The following PAK1 variants were observed in gnomAD, a reference collection of about 807,000 sequenced individuals.
The protein encoded by PAK1 is p21 (RAC1) activated kinase 1.
Under a neutral mutation model 67.4 loss-of-function variants are expected in PAK1, and 29 were observed. The ratio of observed to expected loss-of-function variants is 0.43; its 90% CI spans 0.32 to 0.59. The LOEUF (loss-of-function observed/expected upper bound fraction) is 0.59, where lower values mean the gene tolerates loss of function less well. Among genes scored for constraint, PAK1 ranks in the 20% least tolerant of loss-of-function variants. The pLI, the probability that PAK1 is intolerant of heterozygous loss-of-function variation, is 0.07. For missense variants in PAK1, 337 were observed against 670.7 expected (o/e 0.50, Z 5.50); for synonymous variants, 223 against 237.4 (o/e 0.94, Z 0.56).
chr11:77,427,825 C>T (rs1955631796), intron 1 of PAK1, among the ~76,000 whole-genome samples: 1 of 152,196 alleles, frequency 6.6e-6, no homozygotes, highest in Non-Finnish European at 1.5e-5. Context: ...TAATTCCTTC[C>T]TCTTATTGTT....
intron 2 of PAK1, among the ~76,000 whole-genome samples, chr11:77,385,219 T>G (rs1028607329): frequency 6.6e-6 from 1 of 152,098 alleles, no homozygotes. Context: ...CCAGTGCAAT[T>G]AGGCAAGAAA....
At chr11:77,400,241 A>C (rs1044573348) in intron 1 of PAK1, among the ~76,000 whole-genome samples, 2 of 152,202 alleles carry the variant, frequency 1.3e-5, no homozygotes, top group Non-Finnish European at 2.9e-5. Context: ...GTGAGAGTAC[A>C]GTGTGGCAGA....
chr11:77,459,690 CTTTT>C (rs755731892), intron 1 of PAK1, among the ~76,000 whole-genome samples: 12 of 134,548 alleles, frequency 8.9e-5, no homozygotes, highest in Non-Finnish European at 1.7e-4. Context: ...TCTTCTTCTT[CTTTT>C]TTTTTTTTTT....
intron 1 of PAK1, among the ~76,000 whole-genome samples, chr11:77,434,127 C>T (rs1955995329): frequency 6.6e-6 from 1 of 152,166 alleles, no homozygotes; most frequent in Non-Finnish European, 1.5e-5. Flanking sequence ...CCCTGCAATT[C>T]TACTCCTAAA....
intron 14 of PAK1, among the ~76,000 whole-genome samples, chr11:77,327,279 G>T (rs1337711487): frequency 6.6e-6 from 1 of 152,152 alleles, no homozygotes; most frequent in Admixed American, 6.5e-5. Context: ...AGGAAATACA[G>T]AGAATGCCAC....
intron 13 of PAK1, 29 bp from the exon 14 acceptor site, chr11:77,332,896 A>G: frequency 6.2e-7 from 1 of 1,609,748 alleles, no homozygotes; most frequent in South Asian, 1.1e-5. Flanking sequence ...AATCACCTTG[A>G]GCTCCAAATG....
chr11:77,427,449 G>C (rs1276621442), intron 1 of PAK1, among the ~76,000 whole-genome samples: 1 of 152,030 alleles, frequency 6.6e-6, no homozygotes, highest in Non-Finnish European at 1.5e-5. Flanking sequence ...TTCTCAGAAA[G>C]AGCTCTGGCA....
intron 1 of PAK1, among the ~76,000 whole-genome samples, chr11:77,459,822 G>A (rs568224671): frequency 6.7e-6 from 1 of 149,626 alleles, no homozygotes; most frequent in African/African-American, 2.4e-5. Flanking sequence ...CCACCCCCGC[G>A]AGCAGCTGGG....
intron 1 of PAK1, among the ~76,000 whole-genome samples, chr11:77,471,644 C>T (rs1957861338): frequency 1.3e-5 from 2 of 152,172 alleles, no homozygotes; most frequent in Admixed American, 1.3e-4. Context: ...ACTGCAAAGG[C>T]AGGCAGTGGT....
chr11:77,381,850 T>G (rs1949880193), intron 2 of PAK1, among the ~76,000 whole-genome samples: 1 of 152,130 alleles, frequency 6.6e-6, no homozygotes, highest in Non-Finnish European at 1.5e-5. Flanking sequence ...AGTGCTAGGG[T>G]TTAAGCTATT....
At chr11:77,511,186 A>G in the PAK1 span, among the ~76,000 whole-genome samples, 1 of 152,210 alleles carries the variant, frequency 6.6e-6, no homozygotes, top group African/African-American at 2.4e-5. Flanking sequence ...AAGGAACCTG[A>G]CAGCTCTGCA....
chr11:77,336,338 T>G, intron 12 of PAK1, 56 bp from the exon 13 acceptor site: 2 of 1,373,168 alleles, frequency 1.5e-6, no homozygotes, highest in Non-Finnish European at 1.0e-6. Context: ...CTCACTTCAG[T>G]AAGTGTTGAC....
At chr11:77,331,691 C>T (rs867221712) in intron 14 of PAK1, among the ~76,000 whole-genome samples, 4 of 151,478 alleles carry the variant, frequency 2.6e-5, no homozygotes, top group Middle Eastern at 3.4e-3. Context: ...TGCTAAATGA[C>T]GAGTTAATGG....
At chr11:77,348,111 C>T (rs1202729956) in intron 9 of PAK1, among the ~76,000 whole-genome samples, 1 of 152,098 alleles carries the variant, frequency 6.6e-6, no homozygotes, top group East Asian at 1.9e-4. Context: ...TATGTGCTAC[C>T]CCTATTAACC....
chr11:77,523,417 C>T, the PAK1 span, among the ~76,000 whole-genome samples: 3 of 147,068 alleles, frequency 2.0e-5, no homozygotes, highest in Admixed American at 1.4e-4. Flanking sequence ...TCTATGCTTT[C>T]TACTTTTTTT....
At chr11:77,463,649 T>A (rs1957463373) in intron 1 of PAK1, among the ~76,000 whole-genome samples, 3 of 152,382 alleles carry the variant, frequency 2.0e-5, no homozygotes, top group South Asian at 4.1e-4. Flanking sequence ...CTCCTCATTC[T>A]AGCACTCTAG....
intron 10 of PAK1, among the ~76,000 whole-genome samples, chr11:77,342,738 GAAC>G (rs1411624354): frequency 6.6e-6 from 1 of 152,122 alleles, no homozygotes; most frequent in African/African-American, 2.4e-5. Flanking sequence ...TTTAGATGCA[GAAC>G]AAGAAGGCGC....
intron 5 of PAK1, among the ~76,000 whole-genome samples, chr11:77,369,440 A>C (rs1228232995): frequency 9.4e-6 from 1 of 106,042 alleles, no homozygotes; most frequent in Non-Finnish European, 2.0e-5. Context: ...AACCTTATAC[A>C]TTTCTTTTTT....
chr11:77,377,728 C>T (rs945697098), intron 4 of PAK1, among the ~76,000 whole-genome samples: 1 of 152,160 alleles, frequency 6.6e-6, no homozygotes, highest in Non-Finnish European at 1.5e-5. Context: ...TACATACATG[C>T]AGGAAAGATC....
Sources: allele counts gnomAD v4.1 joint callset (sites outside exome capture counted in the v4.1 genomes callset), GRCh38; gene constraint gnomAD v4.1.1; transcripts MANE v1.5; gene names NCBI Gene and HGNC (gene_info 2026-07-23, HGNC 2026-07-21).